Variants in CSMD1 observed in about 807,000 individuals in gnomAD.
CSMD1 encodes CUB and sushi domain-containing protein 1.
CSMD1 carries 213 observed loss-of-function variants against 417.5 expected under a neutral mutation model. The ratio of observed to expected loss-of-function variants is 0.51; its 90% CI spans 0.46 to 0.57. CSMD1 has a LOEUF of 0.57. CSMD1 is among the 20% of genes least tolerant of loss of function. CSMD1 has a pLI of 0.00. For synonymous variants in CSMD1, 2,862 were observed against 1,736.8 expected, an observed-to-expected ratio of 1.65 and a Z score of -16.11; for missense variants, 6,923 against 4,529.7, an observed-to-expected ratio of 1.53 and a Z score of -15.17.
At chr8:4,390,497 T>TTTTTTTTTTTATTTATTTATTTATTTA (rs58291340) in intron 3 of CSMD1, among the ~76,000 whole-genome samples, 203 of 140,354 alleles carry the variant, frequency 1.4e-3, no homozygotes, top group Non-Finnish European at 2.4e-3. Flanking sequence ...AAGCGTCCAT[T>TTTTTTTTTTTATTTATTTATTTATTTA]TTTATTTATT....
At chr8:4,451,512 A>G (rs1371999449) in intron 2 of CSMD1, among the ~76,000 whole-genome samples, 1 of 152,166 alleles carries the variant, frequency 6.6e-6, no homozygotes, top group Non-Finnish European at 1.5e-5. Flanking sequence ...AAGTTTTCTT[A>G]TCACAAAAAT....
chr8:4,284,056 A>G (rs558026929), intron 3 of CSMD1, among the ~76,000 whole-genome samples: 1 of 152,164 alleles, frequency 6.6e-6, no homozygotes, highest in African/African-American at 2.4e-5. Context: ...ATCATTGTGA[A>G]ACCTGGTCTC....
intron 54 of CSMD1, 23 bp from the exon 55 acceptor site, chr8:2,978,823 C>G: frequency 1.9e-6 from 3 of 1,567,016 alleles, no homozygotes; most frequent in Non-Finnish European, 1.7e-6. Context: ...ACATTTCACA[C>G]ACCATTTAGA....
rs1240677763 is a variant in CSMD1, at chr8:4,184,376, T to C, written c.416-152277A>G. Among the ~76,000 whole-genome samples, 6 of 152,194 alleles carry C rather than the reference T, an allele frequency of 3.9e-5. No individual in the cohort carries two copies. In the East Asian group the frequency reaches 7.7e-4, roughly 20 times the overall value. ...CACTGGAACTGTGCTCCCTGAAAAC[T>C]AGCTATTTCCAATTCTAATAATCTG... On this transcript the variant is annotated intron_variant, in intron 3 of 69. Transcript: ENST00000635120.
intron 5 of CSMD1, among the ~76,000 whole-genome samples, chr8:3,996,724 G>T (rs1181832880): frequency 2.0e-5 from 3 of 152,024 alleles, no homozygotes; most frequent in Non-Finnish European, 4.4e-5. Context: ...AGACAATCTA[G>T]GTAGAATTTG....
chr8:3,629,013 G>C (rs1449649005), intron 7 of CSMD1, among the ~76,000 whole-genome samples: 2 of 152,124 alleles, frequency 1.3e-5, no homozygotes, highest in Non-Finnish European at 2.9e-5. Context: ...AGATAAAATA[G>C]AATTCTAACC....
intron 6 of CSMD1, among the ~76,000 whole-genome samples, chr8:3,751,210 C>G (rs566816560): frequency 6.6e-6 from 1 of 151,962 alleles, no homozygotes; most frequent in African/African-American, 2.4e-5. Context: ...TTAAGCCAGG[C>G]TTACCTCTCT....
intron 52 of CSMD1, among the ~76,000 whole-genome samples, chr8:3,017,806 TAAAAAAAAAAAAAAAA>T (rs777717027): frequency 2.6e-5 from 2 of 76,486 alleles, no homozygotes; most frequent in African/African-American, 1.1e-4. Context: ...TTGAGTGATT[TAAAAAAAAAAAAAAAA>T]AAAAAAAAAA....
chr8:3,717,955 G>A lies in CSMD1; in HGVS notation c.932-9464C>T, dbSNP rs117434007. Among the ~76,000 whole-genome samples, 46 of 152,226 alleles carry A rather than the reference G, an allele frequency of 3.0e-4. No individual in the cohort carries two copies. In the East Asian group the frequency reaches 8.7e-3, roughly 29 times the overall value. On this transcript the variant is annotated intron_variant, in intron 6 of 69. Coordinates refer to ENST00000635120, the MANE Select transcript of CSMD1 (RefSeq NM_033225.6). ...GGCTGTTAATCTACTAGGCTAAACT[G>A]ATTTCTAGAACTATAGGACCAGTTT...
At chr8:4,906,476 A>G (rs1382084887) in intron 1 of CSMD1, among the ~76,000 whole-genome samples, 2 of 149,784 alleles carry the variant, frequency 1.3e-5, no homozygotes, top group South Asian at 4.3e-4. Context: ...GCAAAGGAAT[A>G]CATCCTCTTA....
chr8:3,787,775 G>C (rs1396247221), intron 5 of CSMD1, among the ~76,000 whole-genome samples: 1 of 152,204 alleles, frequency 6.6e-6, no homozygotes, highest in East Asian at 1.9e-4. Flanking sequence ...TATAATACAA[G>C]CTAGGAACTG....
intron 1 of CSMD1, among the ~76,000 whole-genome samples, chr8:4,665,553 T>C (rs1239754174): frequency 6.6e-6 from 1 of 152,200 alleles, no homozygotes; most frequent in African/African-American, 2.4e-5. Flanking sequence ...TTATCAGTGA[T>C]ATGATTTCCA....
intron 29 of CSMD1, among the ~76,000 whole-genome samples, chr8:3,216,236 C>A (rs1797873050): frequency 6.6e-6 from 1 of 151,818 alleles, no homozygotes; most frequent in South Asian, 2.1e-4. Flanking sequence ...GCATTAAATC[C>A]CATATAGAAT....
chr8:3,603,505 C>A lies in CSMD1; in HGVS notation c.1097+13205G>T, dbSNP rs946089970. ...TCACCTTACTGTTTTCTCCACTAGA[C>A]AAGAGAGTAAAAATCACTTACAGAA... On this transcript the variant is annotated intron_variant, in intron 8 of 69. Coordinates refer to ENST00000635120, the MANE Select transcript of CSMD1 (RefSeq NM_033225.6). Among the ~76,000 whole-genome samples the A allele has an allele frequency of 1.6e-4, 24 of 152,022 alleles. 1 individual carries two copies. The highest frequency in any genetic ancestry group is 1.5e-3 in the Admixed American group (23 of 15,268).
chr8:4,541,259 G>A (rs775510779), intron 2 of CSMD1, among the ~76,000 whole-genome samples: 5 of 152,130 alleles, frequency 3.3e-5, no homozygotes, highest in South Asian at 2.1e-4. Context: ...GAGCCAGTTC[G>A]TCTCTCTCAT....
At chr8:3,155,656 C>A (rs905380143) in intron 39 of CSMD1, among the ~76,000 whole-genome samples, 3 of 152,016 alleles carry the variant, frequency 2.0e-5, no homozygotes, top group African/African-American at 7.2e-5. Flanking sequence ...CGTGAGCCAC[C>A]GCGCCCGGTC....
intron 3 of CSMD1, among the ~76,000 whole-genome samples, chr8:4,417,838 C>T (rs1034179507): frequency 9.2e-5 from 14 of 151,992 alleles, no homozygotes; most frequent in African/African-American, 3.4e-4. Flanking sequence ...TTTATGCACT[C>T]TTAATAAATT....
intron 3 of CSMD1, among the ~76,000 whole-genome samples, chr8:4,121,844 C>T (rs887061310): frequency 3.9e-5 from 6 of 151,946 alleles, no homozygotes; most frequent in African/African-American, 1.2e-4. Context: ...ACAAAAAAAG[C>T]ATTCTTTTTT....
chr8:4,809,444 G>C (rs1407788202), intron 1 of CSMD1, among the ~76,000 whole-genome samples: 1 of 152,104 alleles, frequency 6.6e-6, no homozygotes, highest in Non-Finnish European at 1.5e-5. Flanking sequence ...TGCAATCTAA[G>C]AATACTGTAT....
Sources: gnomAD v4.1 joint callset for allele counts (sites outside exome capture counted in the v4.1 genomes callset) on GRCh38, gnomAD v4.1.1 for gene constraint, MANE v1.5 for transcripts, NCBI Gene and HGNC (gene_info 2026-07-23, HGNC 2026-07-21) for gene names.